HDAC4: variants seen among roughly 807,000 people sequenced by gnomAD.
The protein encoded by HDAC4 is histone deacetylase A.
Under a neutral mutation model 135.1 loss-of-function variants are expected in HDAC4, and 16 were observed. That is an observed-to-expected ratio of 0.12 (90% CI 0.08 to 0.18). The LOEUF is 0.18. Ranked by LOEUF, HDAC4 falls within the 10% of genes least tolerant of loss-of-function variation. HDAC4 has a pLI of 1.00. For synonymous variants in HDAC4, 685 were observed against 653.4 expected (o/e 1.05, Z -0.74); for missense variants, 1,143 against 1,511.8 (o/e 0.76, Z 4.05).
chr2:239,336,510 C>T (rs1157945417), intron 2 of HDAC4, among the ~76,000 whole-genome samples: 1 of 151,884 alleles, frequency 6.6e-6, no homozygotes, highest in African/African-American at 2.4e-5. Context: ...CCATGCACAA[C>T]CATAAAAAAA....
At chr2:239,383,539 C>T (rs866373558) in intron 1 of HDAC4, among the ~76,000 whole-genome samples, 3 of 151,980 alleles carry the variant, frequency 2.0e-5, no homozygotes, top group Non-Finnish European at 4.4e-5. Context: ...GAGAAACCCA[C>T]GGCAAGCGCA....
chr2:239,271,627 G>T (rs1425872813), intron 2 of HDAC4, among the ~76,000 whole-genome samples: 14 of 152,154 alleles, frequency 9.2e-5, no homozygotes, highest in Admixed American at 9.2e-4. Flanking sequence ...AGACACTGTC[G>T]TCATCCCCAT....
At chr2:239,291,850 G>C (rs966146679) in intron 2 of HDAC4, among the ~76,000 whole-genome samples, 1 of 152,162 alleles carries the variant, frequency 6.6e-6, no homozygotes, top group African/African-American at 2.4e-5. Context: ...AGCTAGCTGG[G>C]CCTTCTCCCC....
intron 7 of HDAC4, among the ~76,000 whole-genome samples, chr2:239,153,587 G>C (rs1258546443): frequency 2.0e-5 from 3 of 152,172 alleles, no homozygotes; most frequent in Non-Finnish European, 4.4e-5. Flanking sequence ...AAATCTTTAT[G>C]TTATTATTAT....
At chr2:239,265,145 G>C (rs1045790839) in intron 2 of HDAC4, among the ~76,000 whole-genome samples, 1 of 152,166 alleles carries the variant, frequency 6.6e-6, no homozygotes, top group Non-Finnish European at 1.5e-5. Flanking sequence ...CCCCAGGGGA[G>C]GACTTGCTGC....
intron 8 of HDAC4, among the ~76,000 whole-genome samples, chr2:239,144,052 C>T (rs943499906): frequency 1.1e-4 from 17 of 152,086 alleles, no homozygotes; most frequent in African/African-American, 3.1e-4. Context: ...TGTCCTTCTG[C>T]GTGTCCACCA....
In HDAC4 at chr2:239,167,674, T is replaced by C. The variant is rs532032214; in HGVS notation, c.491-3751A>G. Among the ~76,000 whole-genome samples the C allele has an allele frequency of 1.4e-4, 22 of 152,192 alleles. No individual in the cohort carries two copies. Among genetic ancestry groups the C allele is most frequent in the African/African-American group, 5.1e-4 (21 of 41,532 alleles). Reference sequence around the variant, plus strand: ...AGGTTTCTCACTTAAAGTTCTAGAATGAAAAAACCCATTCAACAAATGGAT... The same window carrying C: ...AGGTTTCTCACTTAAAGTTCTAGAACGAAAAAACCCATTCAACAAATGGAT... On this transcript the variant is annotated intron_variant, in intron 5 of 26. Coordinates refer to ENST00000543185, the MANE Select transcript of HDAC4 (RefSeq NM_001378414.1). The surrounding 1 kb of genome is among the most constrained non-coding windows in gnomAD (Gnocchi z 4.1).
At position 239,108,199 on chromosome 2, in the gene HDAC4, G is replaced by A. The variant is rs1373159370; in HGVS notation, c.1979-16C>T. 2 of 1,590,316 alleles carry A rather than the reference G, an allele frequency of 1.3e-6. No individual in the cohort carries two copies. Among genetic ancestry groups the A allele is most frequent in the Non-Finnish European group, 1.7e-6 (2 of 1,169,884 alleles). On this transcript the variant is annotated splice_polypyrimidine_tract_variant and intron_variant, in intron 14 of 26. Transcript: ENST00000543185. Reference sequence around the variant, plus strand: ...TACACGAGGCCTGGGGCGGGGCAGAGGGGCCAAGATCAGCGCACATCCAGG... The same window carrying A: ...TACACGAGGCCTGGGGCGGGGCAGAAGGGCCAAGATCAGCGCACATCCAGG...
At chr2:239,205,503 C>T (rs755114307) in intron 3 of HDAC4, among the ~76,000 whole-genome samples, 6 of 152,018 alleles carry the variant, frequency 3.9e-5, no homozygotes, top group Non-Finnish European at 7.3e-5. Flanking sequence ...TAAACATATA[C>T]CAGGCTGAAA....
At chr2:239,266,538 G>A (rs1292180073) in intron 2 of HDAC4, among the ~76,000 whole-genome samples, 2 of 152,174 alleles carry the variant, frequency 1.3e-5, no homozygotes, top group Non-Finnish European at 2.9e-5. Context: ...CAGCTGTCCC[G>A]AGGCAAGAGT....
intron 3 of HDAC4, among the ~76,000 whole-genome samples, chr2:239,222,239 G>C (rs546129226): frequency 2.6e-5 from 4 of 152,328 alleles, no homozygotes; most frequent in African/African-American, 9.6e-5. Flanking sequence ...TATCTGGAGG[G>C]AGCAAGACCA....
At chr2:239,121,388 G>T (rs2039675215) in intron 12 of HDAC4, among the ~76,000 whole-genome samples, 1 of 152,132 alleles carries the variant, frequency 6.6e-6, no homozygotes, top group Non-Finnish European at 1.5e-5. Flanking sequence ...TTCCTGGGGG[G>T]CTGTTTCAGG....
rs1174259188 is a variant in HDAC4 at position 239,190,941 on chromosome 2, C to T, written c.95-864G>A. The T allele has an allele frequency of 8.6e-6, 4 of 465,846 alleles. No individual in the cohort carries two copies. The Admixed American group carries it at 9.4e-5, about 11-fold the overall frequency. The allele number at this position is 465,846 out of a possible 1,614,324, so 28.9% of individuals were successfully genotyped here. On this transcript the variant is annotated intron_variant, in intron 3 of 26. Coordinates refer to ENST00000543185, the MANE Select transcript of HDAC4 (RefSeq NM_001378414.1). ...CCTGCGCACCCCTTTTACGGCAGGTCCCTATTCTGAAAGCATGCAGTGTGT... is the reference window on the plus strand; with the variant it reads ...CCTGCGCACCCCTTTTACGGCAGGTTCCTATTCTGAAAGCATGCAGTGTGT...
rs556501916 is a variant in HDAC4 at position 239,166,161 on chromosome 2, C to T, written c.491-2238G>A. ...CTGTGTTCCCTACGGCAGAACCCCA[C>T]TCCCATTACATTAAGGTGGAACTTT... On this transcript the variant is annotated intron_variant, in intron 5 of 26. Transcript: ENST00000543185. Among the ~76,000 whole-genome samples the T allele has an allele frequency of 3.9e-5, 6 of 152,328 alleles. No homozygotes were observed. In the East Asian group the frequency reaches 1.2e-3, roughly 29 times the overall value.
At chr2:239,241,057 C>T (rs561558495) in intron 2 of HDAC4, among the ~76,000 whole-genome samples, 6 of 152,266 alleles carry the variant, frequency 3.9e-5, no homozygotes, top group African/African-American at 4.8e-5. Context: ...CCTAGGATCA[C>T]GGAGTGAGCA....
At position 239,257,544 on chromosome 2, in the gene HDAC4, A is replaced by G. The variant is rs574382883; in HGVS notation, c.23-20880T>C. 8.9e-4 allele frequency among the ~76,000 whole-genome samples: 135 copies of G among 152,246 alleles called. 1 individual carries two copies. In the Middle Eastern group the frequency reaches 0.01, roughly 12 times the overall value. ...CTCCAGGGACTGACAGGCAGGAGAGAAGGAGGGAAATGTGGGTTGGGATCT... is the reference window on the plus strand; with the variant it reads ...CTCCAGGGACTGACAGGCAGGAGAGGAGGAGGGAAATGTGGGTTGGGATCT... On this transcript the variant is annotated intron_variant, in intron 2 of 26. Transcript: ENST00000543185.
chr2:239,117,652 G>A (rs772194960), intron 12 of HDAC4, among the ~76,000 whole-genome samples: 1 of 151,452 alleles, frequency 6.6e-6, no homozygotes, highest in Non-Finnish European at 1.5e-5. Context: ...TTTCTCAGAA[G>A]AAGGCACTGA....
intron 12 of HDAC4, among the ~76,000 whole-genome samples, chr2:239,124,590 A>G (rs1289126696): frequency 7.1e-5 from 7 of 99,234 alleles, no homozygotes; most frequent in African/African-American, 3.2e-4. Flanking sequence ...ATGTGGCCGC[A>G]CGTCATTCCA....
intron 14 of HDAC4, among the ~76,000 whole-genome samples, chr2:239,109,369 C>T (rs931972315): frequency 1.3e-5 from 2 of 152,302 alleles, no homozygotes; most frequent in East Asian, 1.9e-4. Flanking sequence ...GCCCAGGATG[C>T]GGCCCTCCCC....
Sources: gnomAD v4.1 joint callset for allele counts (sites outside exome capture counted in the v4.1 genomes callset) on GRCh38, gnomAD v4.1.1 for gene constraint, Gnocchi (gnomAD v3.1) non-coding constraint, MANE v1.5 for transcripts, NCBI Gene and HGNC (gene_info 2026-07-23, HGNC 2026-07-21) for gene names.